Variants in ABCA13 observed in about 807,000 individuals in gnomAD.
ABCA13 encodes the protein ATP binding cassette subfamily A member 13.
A neutral mutation model predicts 478.7 loss-of-function variants in ABCA13; 476 were observed. The ratio of observed to expected loss-of-function variants is 0.99; its 90% CI spans 0.92 to 1.07. ABCA13 has a LOEUF of 1.07. ABCA13 is among the 50% of genes least tolerant of loss of function. The pLI is 0.00. For synonymous variants in ABCA13, 2,252 were observed against 2,158.9 expected, an observed-to-expected ratio of 1.04 and a Z score of -1.20; for missense variants, 6,060 against 5,910.6, an observed-to-expected ratio of 1.03 and a Z score of -0.83.
chr7:48,599,357 C>T (rs1304287770), intron 58 of ABCA13, among the ~76,000 whole-genome samples: 1 of 150,912 alleles, frequency 6.6e-6, no homozygotes, highest in African/African-American at 2.5e-5. Context: ...TAATGGCCTA[C>T]CAGAGGGGTT....
intron 42 of ABCA13, among the ~76,000 whole-genome samples, chr7:48,441,684 C>T (rs1417681336): frequency 2.0e-5 from 3 of 152,218 alleles, no homozygotes; most frequent in African/African-American, 4.8e-5. Context: ...TGAAGTGGAT[C>T]GGACACTATG....
chr7:48,587,050 G>A, intron 56 of ABCA13, 104 bp from the exon 57 acceptor site: 2 of 1,480,146 alleles, frequency 1.4e-6, no homozygotes, highest in Non-Finnish European at 1.8e-6. Context: ...TGTGAAGGTC[G>A]GCAGGGTTAG....
chr7:48,388,787 G>A (rs1170882418), intron 36 of ABCA13, among the ~76,000 whole-genome samples: 3 of 152,042 alleles, frequency 2.0e-5, no homozygotes, highest in African/African-American at 7.2e-5. Flanking sequence ...ATACATGTGT[G>A]TGTTTTTATT....
chr7:48,469,761 A>C (rs1165265675), intron 44 of ABCA13, among the ~76,000 whole-genome samples: 3 of 152,084 alleles, frequency 2.0e-5, no homozygotes, highest in African/African-American at 7.2e-5. Flanking sequence ...TCTACTAAAG[A>C]TACAAAAAAT....
intron 48 of ABCA13, among the ~76,000 whole-genome samples, chr7:48,499,537 C>T (rs1830558563): frequency 6.6e-6 from 1 of 152,144 alleles, no homozygotes; most frequent in East Asian, 1.9e-4. Context: ...GACAAATAAA[C>T]AGAGTCTGGA....
intron 33 of ABCA13, among the ~76,000 whole-genome samples, chr7:48,372,825 T>C (rs1455820062): frequency 6.6e-6 from 1 of 152,208 alleles, no homozygotes; most frequent in Non-Finnish European, 1.5e-5. Flanking sequence ...CTAAAGCAAT[T>C]TTAGAAGTAA....
At chr7:48,428,618 C>T (rs879323749) in intron 42 of ABCA13, among the ~76,000 whole-genome samples, 4 of 152,164 alleles carry the variant, frequency 2.6e-5, no homozygotes, top group Non-Finnish European at 5.9e-5. Context: ...TCCTTACCAG[C>T]AACTGTAGGA....
chr7:48,525,833 C>G (rs966672541), intron 54 of ABCA13, among the ~76,000 whole-genome samples: 1 of 152,002 alleles, frequency 6.6e-6, no homozygotes, highest in Non-Finnish European at 1.5e-5. Flanking sequence ...CACCTCTCAA[C>G]CCATCACCTA....
In ABCA13 at chr7:48,392,015, C is replaced by T. The variant is rs777198809; in HGVS notation, c.11749C>T (p.Leu3917Phe). 13 of 1,613,896 alleles carry T rather than the reference C, an allele frequency of 8.1e-6. No homozygotes were observed. Among genetic ancestry groups the T allele is most frequent in the Admixed American group, 1.7e-5 (1 of 60,008 alleles). The change falls in exon 38 of 62, where the codon CTT (leucine) becomes TTT (phenylalanine). Residue 3917 changes from leucine to phenylalanine, a missense_variant. Physicochemically the swap from Leu to Phe is conservative, Grantham distance 22. This residue lies in a region of ABCA13 where 1,627 missense variants were observed against 1,571.0 expected (regional missense o/e 1.04). Transcript: ENST00000435803. Reference sequence around the variant, plus strand: ...AGACCTGTCGAGGGTCAGAATGGAGCTTGGTGTGTGTCCGCAGCAGGACAT... The same window carrying T: ...AGACCTGTCGAGGGTCAGAATGGAGTTTGGTGTGTGTCCGCAGCAGGACAT... Reference protein sequence around the residue: ...QTDLSRVRMELGVCPQQDILL... With the variant: ...QTDLSRVRMEFGVCPQQDILL...
chr7:48,374,369 T>C lies in ABCA13; in HGVS notation c.11156T>C (p.Phe3719Ser), dbSNP rs766507647. The C allele has an allele frequency of 6.2e-7, 1 of 1,610,546 alleles. No individual in the cohort carries two copies. ...TFLCLLSTTA[F>S]GQGVFFITFL... ...CAGTGCCTTCTTTCGACAACCGCCT[T>C]TGGACAAGGGGTATTTTTTATTACA... is the stretch of plus-strand genomic sequence containing the variant. Residue 3719 changes from phenylalanine to serine, a missense_variant, in exon 34 of 62, where the codon TTT (phenylalanine) becomes TCT (serine). Phe to Ser is a radical substitution (Grantham distance 155). Coordinates refer to ENST00000435803, the MANE Select transcript of ABCA13 (RefSeq NM_152701.5).
chr7:48,219,617 AC>A lies in ABCA13; in HGVS notation c.439+113del, dbSNP rs1387986646. On this transcript the variant is annotated intron_variant, in intron 4 of 61. Transcript: ENST00000435803. ...AATGCTCAACTCCTGCCTGTGCTAAACTTTCATAGTGAGTCTTTGATGGATG... is the reference window on the plus strand; with the variant it reads ...AATGCTCAACTCCTGCCTGTGCTAAATTTCATAGTGAGTCTTTGATGGATG... 26 of 1,357,060 alleles carry A rather than the reference AC, an allele frequency of 1.9e-5. No homozygotes were observed. The African/African-American group carries it at 3.4e-4, about 18-fold the overall frequency. The allele number at this position is 1,357,060 out of a possible 1,614,324, so 84.1% of individuals were successfully genotyped here. A position where few individuals can be genotyped will look rare whatever the true frequency, so the allele number is the denominator to read the frequency against.
intron 19 of ABCA13, among the ~76,000 whole-genome samples, chr7:48,282,202 T>A (rs1363422174): frequency 6.6e-6 from 1 of 152,246 alleles, no homozygotes; most frequent in Non-Finnish European, 1.5e-5. Context: ...CTCCTTTCAA[T>A]GCCACTGCTG....
At position 48,229,502 on chromosome 7, in the gene ABCA13, C is replaced by T. The variant is rs111738236; in HGVS notation, c.633-323C>T. On this transcript the variant is annotated intron_variant, in intron 6 of 61. Coordinates refer to ENST00000435803, the MANE Select transcript of ABCA13 (RefSeq NM_152701.5). ...CTGGCTGGCCTCATCAGCTGCCCTG[C>T]GGCAGGAAGAATCAAGGCTGAGTAT... Among the ~76,000 whole-genome samples the T allele has an allele frequency of 7.9e-3, 1,210 of 152,272 alleles. 11 individuals carry two copies. Among genetic ancestry groups the T allele is most frequent in the African/African-American group, 0.027 (1,130 of 41,550 alleles).
chr7:48,594,907 G>A (rs1160726380), intron 58 of ABCA13, 94 bp downstream of exon 58: 4 of 998,082 alleles, frequency 4.0e-6, no homozygotes, highest in Middle Eastern at 2.2e-4. Context: ...GTTACACATG[G>A]ACATTTCTTA....
At chr7:48,590,053 A>T (rs1379319464) in intron 57 of ABCA13, among the ~76,000 whole-genome samples, 2 of 152,122 alleles carry the variant, frequency 1.3e-5, no homozygotes, top group African/African-American at 2.4e-5. Context: ...TGTATAACTG[A>T]AATTTTCTGC....
chr7:48,188,685 G>A (rs901558990), intron 1 of ABCA13, among the ~76,000 whole-genome samples: 1 of 151,558 alleles, frequency 6.6e-6, no homozygotes, highest in East Asian at 1.9e-4. Flanking sequence ...AGAAGAAAAA[G>A]TCTGTGAGGA....
chr7:48,396,751 T>G (rs1052277699), intron 38 of ABCA13, among the ~76,000 whole-genome samples: 1 of 152,150 alleles, frequency 6.6e-6, no homozygotes, highest in African/African-American at 2.4e-5. Flanking sequence ...GCAGTAGCTT[T>G]AAAATGCACT....
At chr7:48,283,350 C>A (rs1797305217) in intron 19 of ABCA13, among the ~76,000 whole-genome samples, 1 of 151,984 alleles carries the variant, frequency 6.6e-6, no homozygotes, top group South Asian at 2.1e-4. Flanking sequence ...ATAAATTTTT[C>A]TTTGTATTGA....
chr7:48,271,917 T>C lies in ABCA13; in HGVS notation c.2251T>C (p.Ser751Pro). 6.2e-7 allele frequency: 1 copy of C among 1,613,620 alleles called. No homozygotes were observed. Among genetic ancestry groups the C allele is most frequent in the East Asian group, 2.2e-5 (1 of 44,858 alleles). Residue 751 changes from serine (S) to proline (P), a missense_variant, in exon 17 of 62, where the codon TCC (serine) becomes CCC (proline). This residue lies in a region of ABCA13 where 4,423 missense variants were observed against 4,309.1 expected (regional missense o/e 1.03). Transcript: ENST00000435803. ...EKLLLPNLFDSSIVPSFHSLP... is the reference protein window; with the variant it reads ...EKLLLPNLFDPSIVPSFHSLP... ...ATTATTGTTGCCTAATCTTTTTGAC[T>C]CCTCCATTGTTCCCAGTTTCCACAG...
Sources: allele counts gnomAD v4.1 joint callset (sites outside exome capture counted in the v4.1 genomes callset), GRCh38; gene constraint gnomAD v4.1.1; regional missense constraint gnomAD v4.1.1; transcripts MANE v1.5; gene names NCBI Gene and HGNC (gene_info 2026-07-23, HGNC 2026-07-21).